Variants in ENTREP1 observed in about 807,000 individuals in gnomAD.
The protein encoded by ENTREP1 is Friedreich ataxia region gene X123.
the ENTREP1 span, among the ~76,000 whole-genome samples, chr9:69,384,321 A>T: frequency 6.6e-6 from 1 of 152,360 alleles, no homozygotes. Flanking sequence ...ATCAACTATT[A>T]GGGCTTATAA....
the ENTREP1 span, among the ~76,000 whole-genome samples, chr9:69,372,589 A>T: frequency 6.6e-6 from 1 of 152,102 alleles, no homozygotes; most frequent in Admixed American, 6.6e-5. Flanking sequence ...TTTATCTGTG[A>T]TGGATATTTA....
At chr9:69,338,848 C>G in the ENTREP1 span, among the ~76,000 whole-genome samples, 1 of 152,068 alleles carries the variant, frequency 6.6e-6, no homozygotes, top group African/African-American at 2.4e-5. Flanking sequence ...ATTTTGGCTG[C>G]TATGAGTTAT....
the ENTREP1 span, chr9:69,329,394 A>C: frequency 1.0e-6 from 1 of 981,514 alleles, no homozygotes; most frequent in Non-Finnish European, 1.2e-6. Flanking sequence ...TATTTCCTTA[A>C]GAGAGCCCTG....
chr9:69,336,170 G>T, the ENTREP1 span: 1 of 1,027,072 alleles, frequency 9.7e-7, no homozygotes. Context: ...TTGTTTATTG[G>T]AATTGGTCCA....
chr9:69,375,875 CA>C, the ENTREP1 span: 1 of 1,612,096 alleles, frequency 6.2e-7, no homozygotes, highest in Non-Finnish European at 8.5e-7. Flanking sequence ...GTACCTCAAA[CA>C]GATTCCCACC....
the ENTREP1 span, among the ~76,000 whole-genome samples, chr9:69,359,313 C>T: frequency 6.6e-6 from 1 of 152,166 alleles, no homozygotes; most frequent in Admixed American, 6.6e-5. Flanking sequence ...AATGAGCATA[C>T]TAAGAACTTG....
At chr9:69,335,653 G>A in the ENTREP1 span, among the ~76,000 whole-genome samples, 3 of 152,176 alleles carry the variant, frequency 2.0e-5, no homozygotes, top group Admixed American at 6.5e-5. Context: ...GGTACCTGAC[G>A]AAGGGAAGGA....
At chr9:69,362,522 C>A in the ENTREP1 span, among the ~76,000 whole-genome samples, 1 of 152,064 alleles carries the variant, frequency 6.6e-6, no homozygotes. Context: ...CATAAAGGCA[C>A]CTGGTATAAA....
the ENTREP1 span, chr9:69,383,817 C>T: frequency 8.6e-5 from 138 of 1,602,810 alleles, no homozygotes; most frequent in Admixed American, 6.5e-4. Flanking sequence ...AAGACAGCAC[C>T]GCCCCACCCC....
At chr9:69,325,705 G>A in the ENTREP1 span, 3 of 1,229,816 alleles carry the variant, frequency 2.4e-6, no homozygotes, top group Non-Finnish European at 3.0e-6. Context: ...ACTCGTGCCC[G>A]TTCTGGGCCG....
At chr9:69,355,405 A>G in the ENTREP1 span, among the ~76,000 whole-genome samples, 5 of 152,182 alleles carry the variant, frequency 3.3e-5, no homozygotes, top group African/African-American at 1.2e-4. Flanking sequence ...TTCAAATGTC[A>G]CAGGGAGAGA....
At chr9:69,388,041 C>CTA in the ENTREP1 span, 8 of 1,588,090 alleles carry the variant, frequency 5.0e-6, no homozygotes, top group East Asian at 1.8e-4. Context: ...ATGTGCATGG[C>CTA]TATCAGCATT....
the ENTREP1 span, among the ~76,000 whole-genome samples, chr9:69,368,836 CT>C: frequency 6.6e-6 from 1 of 151,524 alleles, no homozygotes; most frequent in Admixed American, 6.6e-5. Flanking sequence ...AAACAATTTT[CT>C]TTTTTTTTAA....
At chr9:69,385,690 G>T in the ENTREP1 span, 1 of 1,408,772 alleles carries the variant, frequency 7.1e-7, no homozygotes, top group African/African-American at 1.5e-5. Context: ...CCTTGCCCTG[G>T]CAGGTTTAGG....
chr9:69,371,691 C>T, the ENTREP1 span: 3 of 911,476 alleles, frequency 3.3e-6, no homozygotes, highest in East Asian at 4.8e-5. Context: ...CAACATTCAG[C>T]ATCAGGCAAC....
the ENTREP1 span, among the ~76,000 whole-genome samples, chr9:69,374,975 C>T: frequency 1.3e-5 from 2 of 152,116 alleles, no homozygotes; most frequent in African/African-American, 4.8e-5. Flanking sequence ...TTGCACAGTG[C>T]CTGAGGTTTC....
At chr9:69,375,356 G>A in the ENTREP1 span, among the ~76,000 whole-genome samples, 2 of 152,092 alleles carry the variant, frequency 1.3e-5, no homozygotes, top group African/African-American at 4.8e-5. Flanking sequence ...GCATTGTGTT[G>A]GGGAAAAAAA....
the ENTREP1 span, chr9:69,383,302 TCAAA>T: frequency 5.9e-6 from 5 of 845,548 alleles, no homozygotes; most frequent in African/African-American, 3.5e-5. Context: ...CCCATACCCA[TCAAA>T]CAGTCACTCC....
At chr9:69,349,819 A>G in the ENTREP1 span, among the ~76,000 whole-genome samples, 2 of 152,218 alleles carry the variant, frequency 1.3e-5, no homozygotes, top group East Asian at 1.9e-4. Flanking sequence ...CACAAAGCCT[A>G]TTTTATAATA....
Sources: gnomAD v4.1 joint callset for allele counts (sites outside exome capture counted in the v4.1 genomes callset) on GRCh38, gnomAD v4.1.1 for gene constraint, MANE v1.5 for transcripts, NCBI Gene and HGNC (gene_info 2026-07-23, HGNC 2026-07-21) for gene names.